The following USP32 variants were observed in gnomAD, a reference collection of about 807,000 sequenced individuals.
USP32 encodes the protein ubiquitin carboxyl-terminal hydrolase 32.
In USP32, 59 loss-of-function variants were observed where a neutral mutation model predicts 204.8. The observed-to-expected ratio is 0.29, with a 90% CI of 0.23 to 0.36. The LOEUF is 0.36. Among genes scored for constraint, USP32 ranks in the 10% least tolerant of loss-of-function variants. USP32 has a pLI of 1.00. For synonymous variants in USP32, 517 were observed against 678.4 expected, an observed-to-expected ratio of 0.76 and a Z score of 3.70; for missense variants, 1,160 against 1,946.4, an observed-to-expected ratio of 0.60 and a Z score of 7.60.
chr17:60,203,776 C>T (rs561359252), intron 26 of USP32, among the ~76,000 whole-genome samples: 8 of 152,064 alleles, frequency 5.3e-5, no homozygotes, highest in Non-Finnish European at 1.2e-4. Context: ...GGGGTTTCAC[C>T]ATCTTGGCCA....
At chr17:60,273,482 A>C (rs1176907399) in intron 5 of USP32, among the ~76,000 whole-genome samples, 1 of 152,194 alleles carries the variant, frequency 6.6e-6, no homozygotes, top group African/African-American at 2.4e-5. Context: ...GCTTACAAAC[A>C]ATCCTGGAAA....
At chr17:60,412,611 T>C (rs762394291) in intron 1 of USP32, among the ~76,000 whole-genome samples, 1 of 152,054 alleles carries the variant, frequency 6.6e-6, no homozygotes, top group Non-Finnish European at 1.5e-5. Context: ...CAAGGTGATT[T>C]TTCTGTCTGA....
intron 1 of USP32, among the ~76,000 whole-genome samples, chr17:60,417,430 G>A (rs1205003029): frequency 1.3e-5 from 2 of 151,342 alleles, no homozygotes; most frequent in African/African-American, 2.4e-5. Flanking sequence ...ACAAGCATAA[G>A]CCACATGCCC....
chr17:60,238,803 CAAA>C (rs562875704), intron 11 of USP32, among the ~76,000 whole-genome samples: 4 of 95,740 alleles, frequency 4.2e-5, no homozygotes, highest in Non-Finnish European at 2.2e-5. Flanking sequence ...GACTCCATCT[CAAA>C]AAAAAAAAAA....
intron 1 of USP32, among the ~76,000 whole-genome samples, chr17:60,357,483 T>C (rs1449088428): frequency 6.6e-6 from 1 of 151,824 alleles, no homozygotes; most frequent in East Asian, 1.9e-4. Flanking sequence ...ATATATGATA[T>C]GTAGACCAAG....
upstream of USP32, chr17:60,392,641 T>G (rs1598314132): frequency 2.2e-6 from 1 of 446,360 alleles, no homozygotes; most frequent in South Asian, 1.6e-5. Flanking sequence ...GAGAAAGGAG[T>G]GGGTAGGCAG....
chr17:60,308,267 G>A (rs2087775623), intron 2 of USP32, among the ~76,000 whole-genome samples: 2 of 152,264 alleles, frequency 1.3e-5, no homozygotes, highest in Middle Eastern at 3.4e-3. Flanking sequence ...AACTAAAAGA[G>A]CACACATTAA....
Position 60,244,306 on chromosome 17 carries a change from C to T in USP32, c.1137-8066G>A, listed in dbSNP as rs1318428940. ...GTGCTAGGATTACAGGCATGAGCCA[C>T]CGTGCCCAGCCAAGTAGCTAGATTT... On this transcript the variant is annotated intron_variant, in intron 11 of 33. Transcript: ENST00000300896. Among the ~76,000 whole-genome samples, 8 of 152,088 alleles carry T rather than the reference C, an allele frequency of 5.3e-5. No homozygotes were observed. The South Asian group carries it at 1.7e-3, about 32-fold the overall frequency.
chr17:60,202,659 T>C (rs1461252266), intron 26 of USP32, among the ~76,000 whole-genome samples: 1 of 152,058 alleles, frequency 6.6e-6, no homozygotes, highest in Non-Finnish European at 1.5e-5. Flanking sequence ...TTATGTGTCA[T>C]TTTTAAAGTT....
At chr17:60,315,338 T>G (rs1164448441) in intron 2 of USP32, among the ~76,000 whole-genome samples, 1 of 152,206 alleles carries the variant, frequency 6.6e-6, no homozygotes, top group East Asian at 1.9e-4. Flanking sequence ...AGGCAGAGGT[T>G]GCAGTGAGCC....
At chr17:60,192,994 C>T (rs2084425164) in intron 27 of USP32, 64 bp from the exon 28 acceptor site, 2 of 1,557,870 alleles carry the variant, frequency 1.3e-6, no homozygotes, top group East Asian at 2.3e-5. Flanking sequence ...AACTCCTCTT[C>T]ATCTTCTCTT....
Position 60,292,778 on chromosome 17 carries a change from T to TAA in USP32, c.411+1903_411+1904dup, listed in dbSNP as rs201407793. Among the ~76,000 whole-genome samples the TAA allele has an allele frequency of 1.4e-3, 171 of 125,998 alleles. 1 individual carries two copies. Among genetic ancestry groups the TAA allele is most frequent in the Middle Eastern group, 7.8e-3 (2 of 256 alleles). 82.7% of individuals were successfully genotyped at this position (125,998 alleles called of 152,430 possible). On this transcript the variant is annotated intron_variant, in intron 4 of 33. Transcript: ENST00000300896. ...ATAAGATCCAAAGTGATCATGTGTG[T>TAA]AAAAAAAAAAAAAAAGCCTCATATT... is the stretch of plus-strand genomic sequence containing the variant.
chr17:60,229,315 T>A (rs1228409443), intron 12 of USP32, among the ~76,000 whole-genome samples: 4 of 152,186 alleles, frequency 2.6e-5, no homozygotes, highest in African/African-American at 9.7e-5. Context: ...AGTACTAGGA[T>A]TACAGGCATG....
chr17:60,245,360 T>G, intron 11 of USP32: 1 of 393,714 alleles, frequency 2.5e-6, no homozygotes, highest in Non-Finnish European at 4.9e-6. Context: ...CTTTCCACAA[T>G]GTCTTTGCAG....
intron 12 of USP32, among the ~76,000 whole-genome samples, chr17:60,229,918 A>G (rs1226085554): frequency 6.6e-6 from 1 of 152,022 alleles, no homozygotes; most frequent in East Asian, 1.9e-4. Context: ...GGTTCAAGCA[A>G]TTCTCCTGCC....
chr17:60,228,883 G>A (rs1297279549), intron 12 of USP32, among the ~76,000 whole-genome samples: 2 of 151,574 alleles, frequency 1.3e-5, no homozygotes, highest in African/African-American at 4.9e-5. Context: ...GCCCAGGCTG[G>A]TCTCAAACTC....
chr17:60,248,026 T>C (rs998102355), intron 11 of USP32, among the ~76,000 whole-genome samples: 7 of 152,200 alleles, frequency 4.6e-5, no homozygotes, highest in African/African-American at 1.7e-4. Flanking sequence ...ATTGGTCTAT[T>C]TGTCTGTTCT....
At chr17:60,273,791 C>G (rs1253075554) in intron 5 of USP32, among the ~76,000 whole-genome samples, 3 of 151,682 alleles carry the variant, frequency 2.0e-5, no homozygotes, top group Non-Finnish European at 2.9e-5. Flanking sequence ...AAACCCCCAT[C>G]GCTACTAAAA....
intron 1 of USP32, among the ~76,000 whole-genome samples, chr17:60,376,115 G>A (rs1241092522): frequency 2.0e-5 from 3 of 151,924 alleles, no homozygotes; most frequent in Non-Finnish European, 4.4e-5. Flanking sequence ...GCACAATCAT[G>A]GCTCACTACA....
Sources: gnomAD v4.1 joint callset for allele counts (sites outside exome capture counted in the v4.1 genomes callset) on GRCh38, gnomAD v4.1.1 for gene constraint, MANE v1.5 for transcripts, NCBI Gene and HGNC (gene_info 2026-07-23, HGNC 2026-07-21) for gene names.